The following NCOR1 variants were observed in gnomAD, a reference collection of about 807,000 sequenced individuals.
NCOR1 encodes the protein nuclear receptor corepressor 1, also known as protein phosphatase 1, regulatory subunit 109.
Under a neutral mutation model 288.1 loss-of-function variants are expected in NCOR1, and 63 were observed. The observed-to-expected ratio is 0.22, with a 90% confidence interval of 0.18 to 0.27. The LOEUF (loss-of-function observed/expected upper bound fraction) is 0.27, where lower values mean the gene tolerates loss of function less well. Among genes scored for constraint, NCOR1 ranks in the 10% least tolerant of loss-of-function variants. The pLI, the probability that NCOR1 is intolerant of heterozygous loss-of-function variation, is 1.00. For synonymous variants in NCOR1, 1,007 were observed against 1,065.9 expected (o/e 0.94, Z 1.08); for missense variants, 2,397 against 3,019.2 (o/e 0.79, Z 4.83).
chr17:16,083,064 C>G (rs911167032), intron 23 of NCOR1, among the ~76,000 whole-genome samples: 4 of 152,072 alleles, frequency 2.6e-5, no homozygotes, highest in Non-Finnish European at 4.4e-5. Context: ...AACCCCGTCT[C>G]TACTAAAAAT....
At chr17:16,066,105 T>C (rs2061092860) in intron 32 of NCOR1, among the ~76,000 whole-genome samples, 1 of 152,110 alleles carries the variant, frequency 6.6e-6, no homozygotes, top group African/African-American at 2.4e-5. Flanking sequence ...CTCCAGGGGG[T>C]GAAAATGATT....
chr17:16,032,498 A>AAT lies in NCOR1; in HGVS notation c.7136-16_7136-15insAT, dbSNP rs1567604959. On this transcript the variant is annotated splice_polypyrimidine_tract_variant and intron_variant, in intron 45 of 45. Transcript: ENST00000268712. ...CTGAGTTGAGCCTGACAAAAGAAAAATTAGGTTTTCATTGTCATGAACATA... is the reference window on the plus strand; with the variant it reads ...CTGAGTTGAGCCTGACAAAAGAAAAAATTTAGGTTTTCATTGTCATGAACATA... 1 of 1,562,904 alleles carries AAT rather than the reference A, an allele frequency of 6.4e-7. No individual in the cohort carries two copies. Among genetic ancestry groups the AAT allele is most frequent in the Non-Finnish European group, 8.6e-7 (1 of 1,157,384 alleles).
At chr17:16,139,247 T>C (rs1296306823) in intron 11 of NCOR1, 61 bp from the exon 12 acceptor site, 1 of 1,420,214 alleles carries the variant, frequency 7.0e-7, no homozygotes, top group Non-Finnish European at 9.7e-7. Flanking sequence ...AGGAGGGCCA[T>C]GGACCAATGC....
At chr17:16,137,861 T>C (rs1366496500) in intron 13 of NCOR1, 3 of 312,892 alleles carry the variant, frequency 9.6e-6, no homozygotes, top group Admixed American at 4.8e-5. Flanking sequence ...TATGTGCTGC[T>C]GAAGCGAGCA....
chr17:16,116,407 A>C (rs2071594589), intron 18 of NCOR1, among the ~76,000 whole-genome samples: 1 of 152,230 alleles, frequency 6.6e-6, no homozygotes, highest in Non-Finnish European at 1.5e-5. Flanking sequence ...ATCTCATCAG[A>C]AAATCTGTAA....
intron 28 of NCOR1, 67 bp from the exon 29 acceptor site, chr17:16,072,295 G>T: frequency 8.2e-7 from 1 of 1,216,284 alleles, no homozygotes; most frequent in African/African-American, 1.5e-5. Context: ...TATACTGAAT[G>T]CTGTTCTTAA....
chr17:16,035,831 C>G (rs956315136), intron 44 of NCOR1, among the ~76,000 whole-genome samples: 1 of 152,136 alleles, frequency 6.6e-6, no homozygotes, highest in African/African-American at 2.4e-5. Context: ...CATGAGTCAT[C>G]ATACCCGGCC....
At chr17:16,178,933 T>G (rs2084813512) in intron 3 of NCOR1, among the ~76,000 whole-genome samples, 1 of 150,124 alleles carries the variant, frequency 6.7e-6, no homozygotes, top group South Asian at 2.1e-4. Flanking sequence ...GGTGAGACCC[T>G]GCTTCTACTA....
intron 41 of NCOR1, among the ~76,000 whole-genome samples, chr17:16,047,944 G>C (rs776896225): frequency 1.3e-5 from 2 of 152,158 alleles, no homozygotes; most frequent in African/African-American, 2.4e-5. Flanking sequence ...TAATTAAATT[G>C]AACATCACTC....
Position 16,071,631 on chromosome 17 carries a change from A to T in NCOR1, c.3930T>A (p.Asp1310Glu). 1 of 1,613,994 alleles carries T rather than the reference A, an allele frequency of 6.2e-7. No homozygotes were observed. The highest frequency in any genetic ancestry group is 8.5e-7 in the Non-Finnish European group (1 of 1,179,972). The stretch of plus-strand genomic sequence containing the variant: ...TAATTTGTTTGGGATATTTAAGGCC[A>T]TCTTCAAAGCTTTCAGTTGTTGCTC... ...TPRATTESFE[D>E]GLKYPKQIKR... The change falls in exon 30 of 46, where the codon GAT (aspartate) becomes GAA (glutamate). Residue 1310 changes from aspartate (D) to glutamate (E), a missense_variant. Asp to Glu is a conservative substitution (Grantham distance 45). Coordinates refer to ENST00000268712, the MANE Select transcript of NCOR1 (RefSeq NM_006311.4).
In NCOR1 at chr17:16,080,840, C is replaced by T. The variant is rs924788110; in HGVS notation, c.3178-113G>A. ...CTGTTTAAAAAAAAAAAAAATTATA[C>T]CCCTTCTACCCAAAACCAAGAATAG... is the stretch of plus-strand genomic sequence containing the variant. On this transcript the variant is annotated intron_variant, in intron 23 of 45. Transcript: ENST00000268712. 3 of 937,264 alleles carry T rather than the reference C, an allele frequency of 3.2e-6. No homozygotes were observed. The African/African-American group carries it at 5.0e-5, about 16-fold the overall frequency. The allele number at this position is 937,264 out of a possible 1,614,324, so 58.1% of individuals were successfully genotyped here.
intron 25 of NCOR1, 118 bp downstream of exon 25, chr17:16,080,290 A>G (rs1233146248): frequency 2.0e-6 from 2 of 977,678 alleles, no homozygotes; most frequent in Non-Finnish European, 2.9e-6. Flanking sequence ...AAAGAAAACA[A>G]ATTTAGAATT....
chr17:16,140,532 G>C (rs900270655), intron 11 of NCOR1, among the ~76,000 whole-genome samples: 1 of 152,002 alleles, frequency 6.6e-6, no homozygotes, highest in Admixed American at 6.6e-5. Context: ...CTAAGTGAGA[G>C]GCTGGGTGGG....
chr17:16,058,434 T>C, intron 38 of NCOR1, 37 bp downstream of exon 38: 1 of 1,604,200 alleles, frequency 6.2e-7, no homozygotes. Context: ...TAAATGCAAA[T>C]ATGAAAACAT....
rs554322862 is a variant in NCOR1, at chr17:16,080,227, T to A, written c.3401-163A>T. On this transcript the variant is annotated intron_variant, in intron 25 of 45. Transcript: ENST00000268712. ...TTAAAATGTACTTCCAAAATAATACTAAAGAACTGCTGAAACATGGAACTT... is the reference window on the plus strand; with the variant it reads ...TTAAAATGTACTTCCAAAATAATACAAAAGAACTGCTGAAACATGGAACTT... The A allele has an allele frequency of 3.1e-4, 239 of 776,698 alleles. 1 individual carries two copies. The East Asian group carries it at 6.5e-3, about 21-fold the overall frequency. The allele number at this position is 776,698 out of a possible 1,614,324, so 48.1% of individuals were successfully genotyped here.
intron 6 of NCOR1, among the ~76,000 whole-genome samples, chr17:16,155,193 A>G (rs1380545703): frequency 1.3e-5 from 2 of 152,060 alleles, no homozygotes; most frequent in African/African-American, 4.8e-5. Context: ...TCTACTAAAA[A>G]TGCAAAAATT....
chr17:16,053,615 T>C (rs1220123934), intron 40 of NCOR1, among the ~76,000 whole-genome samples: 3 of 152,244 alleles, frequency 2.0e-5, no homozygotes, highest in African/African-American at 7.2e-5. Context: ...ATGGCCGTAC[T>C]GCCCAATGCA....
chr17:16,074,968 C>T lies in NCOR1; in HGVS notation c.3670+566G>A, dbSNP rs568944336. ...CTGCAAGTTCTGCCTCCCGGGTTCA[C>T]GCCATTCTCCTGGCTCAGCCTCCCG... On this transcript the variant is annotated intron_variant, in intron 27 of 45. Transcript: ENST00000268712. 1.5e-3 allele frequency among the ~76,000 whole-genome samples: 223 copies of T among 152,170 alleles called. 1 individual carries two copies. Among genetic ancestry groups the T allele is most frequent in the African/African-American group, 4.8e-3 (199 of 41,516 alleles).
At chr17:16,117,289 T>G (rs2071829789) in intron 18 of NCOR1, among the ~76,000 whole-genome samples, 3 of 152,130 alleles carry the variant, frequency 2.0e-5, no homozygotes, top group Admixed American at 2.0e-4. Flanking sequence ...TTTAATTCCC[T>G]TTACTACAAA....
Sources: allele counts gnomAD v4.1 joint callset (sites outside exome capture counted in the v4.1 genomes callset), GRCh38; gene constraint gnomAD v4.1.1; transcripts MANE v1.5; gene names NCBI Gene and HGNC (gene_info 2026-07-23, HGNC 2026-07-21).